The following PIBF1 variants were observed in gnomAD, a reference collection of about 807,000 sequenced individuals.
The protein encoded by PIBF1 is progesterone immunomodulatory binding factor 1.
PIBF1 carries 90 observed loss-of-function variants against 112.5 expected under a neutral mutation model. The observed-to-expected ratio is 0.80, with a 90% CI of 0.67 to 0.95. PIBF1 has a LOEUF of 0.95. Ranked by LOEUF, PIBF1 falls within the 40% of genes least tolerant of loss-of-function variation. The pLI is 0.00. For missense variants in PIBF1, 915 were observed against 852.3 expected, an observed-to-expected ratio of 1.07 and a Z score of -0.92; for synonymous variants, 301 against 288.6, an observed-to-expected ratio of 1.04 and a Z score of -0.44.
chr13:72,881,500 G>A (rs865775891), intron 10 of PIBF1, among the ~76,000 whole-genome samples: 2 of 152,130 alleles, frequency 1.3e-5, no homozygotes, highest in East Asian at 1.9e-4. Flanking sequence ...GGTGGATCAC[G>A]AGGTCAGGAG....
chr13:72,926,613 A>T (rs998203458), intron 13 of PIBF1, among the ~76,000 whole-genome samples: 12 of 152,138 alleles, frequency 7.9e-5, no homozygotes, highest in Non-Finnish European at 1.5e-4. Flanking sequence ...CCAAACATAC[A>T]AGGCTTTTCA....
intron 12 of PIBF1, among the ~76,000 whole-genome samples, chr13:72,912,317 A>G (rs1482146933): frequency 6.6e-6 from 1 of 152,202 alleles, no homozygotes; most frequent in African/African-American, 2.4e-5. Context: ...TTAAAAATTC[A>G]TGTAACTCAG....
chr13:72,998,985 C>A lies in PIBF1; in HGVS notation c.2213C>A (p.Pro738Gln). ...GAAGACAATATATTTACACCTAAAC[C>A]AACACTCTTTGTAAGTACAATTTTT... ...EHEDNIFTPKPTLFTKKEAPE... is the reference protein window; with the variant it reads ...EHEDNIFTPKQTLFTKKEAPE... The change falls in exon 17 of 18, where the codon CCA becomes CAA. Residue 738 changes from proline (P) to glutamine (Q), a missense_variant. Physicochemically the swap from Pro to Gln is moderately conservative, Grantham distance 76. Transcript: ENST00000326291. 6.3e-7 allele frequency: 1 copy of A among 1,581,426 alleles called. No homozygotes were observed. Among genetic ancestry groups the A allele is most frequent in the Non-Finnish European group, 8.6e-7 (1 of 1,159,232 alleles).
intron 8 of PIBF1, among the ~76,000 whole-genome samples, chr13:72,830,391 A>G (rs969453037): frequency 2.6e-5 from 4 of 152,190 alleles, no homozygotes; most frequent in South Asian, 2.1e-4. Flanking sequence ...TTGCCTGTTT[A>G]GTATGATATT....
At chr13:72,996,200 A>G (rs1181015318) in intron 16 of PIBF1, among the ~76,000 whole-genome samples, 2 of 149,744 alleles carry the variant, frequency 1.3e-5, no homozygotes, top group Non-Finnish European at 1.5e-5. Context: ...CTTGAAATGT[A>G]TAAGAAAATG....
chr13:72,826,316 T>C (rs2036812280), intron 6 of PIBF1, among the ~76,000 whole-genome samples: 1 of 152,172 alleles, frequency 6.6e-6, no homozygotes, highest in South Asian at 2.1e-4. Context: ...CTAAACGTTT[T>C]TGAAAAACTG....
intron 6 of PIBF1, 53 bp from the exon 7 acceptor site, chr13:72,826,957 G>A (rs918436234): frequency 1.1e-5 from 11 of 999,304 alleles, no homozygotes; most frequent in Admixed American, 4.6e-5. Flanking sequence ...TAAAGTGTAC[G>A]CTGTACAAGG....
chr13:72,792,371 T>C, intron 2 of PIBF1, 76 bp from the exon 3 acceptor site: 1 of 907,838 alleles, frequency 1.1e-6, no homozygotes, highest in Non-Finnish European at 1.7e-6. Context: ...CAAGTGTTTT[T>C]AAAATATGTT....
chr13:72,795,322 T>C lies in PIBF1; in HGVS notation c.354-37T>C, dbSNP rs754443755. 58 of 1,331,822 alleles carry C rather than the reference T, an allele frequency of 4.4e-5. No homozygotes were observed. The African/African-American group carries it at 7.1e-4, about 16-fold the overall frequency. 82.5% of individuals were successfully genotyped at this position (1,331,822 alleles called of 1,614,324 possible). ...TGTGAGAAAATTAGATCTCAAATAC[T>C]TTTTTAAAGCCTGCCATAAATTCTC... On this transcript the variant is annotated intron_variant, in intron 3 of 17. Coordinates refer to ENST00000326291, the MANE Select transcript of PIBF1 (RefSeq NM_006346.4).
At chr13:72,883,662 A>G (rs1002744942) in intron 10 of PIBF1, among the ~76,000 whole-genome samples, 7 of 152,198 alleles carry the variant, frequency 4.6e-5, no homozygotes, top group African/African-American at 9.6e-5. Flanking sequence ...AATTTTTTCT[A>G]TTCTTAGTAG....
At chr13:72,918,079 C>G (rs938890592) in intron 13 of PIBF1, among the ~76,000 whole-genome samples, 2 of 152,142 alleles carry the variant, frequency 1.3e-5, no homozygotes, top group African/African-American at 4.8e-5. Context: ...TTCCTAACTC[C>G]TCTCTTGCAC....
chr13:72,872,015 G>A (rs1229734538), intron 10 of PIBF1, among the ~76,000 whole-genome samples: 2 of 152,160 alleles, frequency 1.3e-5, no homozygotes, highest in Admixed American at 1.3e-4. Context: ...TAAGAGTACA[G>A]TTTCTGGAGG....
At chr13:73,011,177 C>A (rs1052802860) in intron 17 of PIBF1, among the ~76,000 whole-genome samples, 2 of 151,980 alleles carry the variant, frequency 1.3e-5, no homozygotes, top group Non-Finnish European at 2.9e-5. Context: ...AAACTGCTGC[C>A]CCCAAAATTG....
intron 14 of PIBF1, among the ~76,000 whole-genome samples, chr13:72,964,026 A>G (rs1266172342): frequency 6.6e-6 from 1 of 152,210 alleles, no homozygotes; most frequent in Non-Finnish European, 1.5e-5. Flanking sequence ...GATATACAGT[A>G]TTTGTCCACC....
Position 72,987,837 on chromosome 13 carries a change from AATTT to A in PIBF1, c.2050-10964_2050-10961del, listed in dbSNP as rs1228971710. Among the ~76,000 whole-genome samples the A allele has an allele frequency of 5.6e-3, 566 of 101,714 alleles. 19 individuals are homozygous for A. The highest frequency in any genetic ancestry group is 0.026 in the Middle Eastern group (4 of 156). The allele number at this position is 101,714 out of a possible 152,430, so 66.7% of individuals were successfully genotyped here. A position where few individuals can be genotyped will look rare whatever the true frequency, so the allele number is the denominator to read the frequency against. Reference sequence around the variant, plus strand: ...TTCTTGAGTTTTTTTTATTTTTTGTAATTTATTTATTTATTTATTTATTTTTTTT... The same window carrying A: ...TTCTTGAGTTTTTTTTATTTTTTGTAATTTATTTATTTATTTATTTTTTTT... On this transcript the variant is annotated intron_variant, in intron 16 of 17. Coordinates refer to ENST00000326291, the MANE Select transcript of PIBF1 (RefSeq NM_006346.4).
At chr13:72,966,335 T>C (rs1449875396) in intron 15 of PIBF1, among the ~76,000 whole-genome samples, 1 of 152,220 alleles carries the variant, frequency 6.6e-6, no homozygotes, top group African/African-American at 2.4e-5. Flanking sequence ...TCTAGAACTT[T>C]ATTCCTGTTC....
Position 72,813,388 on chromosome 13 carries a change from T to G in PIBF1, c.673-8461T>G, listed in dbSNP as rs1439752670. ...AAGTCTTGAGCTTTGGGAAAGCTAG[T>G]GTTCCAGTTACGTATTGCTGCATAA... On this transcript the variant is annotated intron_variant, in intron 5 of 17. Coordinates refer to ENST00000326291, the MANE Select transcript of PIBF1 (RefSeq NM_006346.4). 2.0e-5 allele frequency among the ~76,000 whole-genome samples: 3 copies of G among 152,186 alleles called. No homozygotes were observed. In the East Asian group the frequency reaches 5.8e-4, roughly 29 times the overall value.
At chr13:72,877,067 T>C (rs2039438900) in intron 10 of PIBF1, among the ~76,000 whole-genome samples, 6 of 152,180 alleles carry the variant, frequency 3.9e-5, no homozygotes, top group Admixed American at 3.9e-4. Flanking sequence ...ATTCCTAGTT[T>C]ACTAAGAGTT....
chr13:72,868,851 A>G (rs1223079836), intron 10 of PIBF1, among the ~76,000 whole-genome samples: 1 of 143,678 alleles, frequency 7.0e-6, no homozygotes, highest in African/African-American at 2.6e-5. Flanking sequence ...AAAAAAAAAA[A>G]GATGAAACTA....
Sources: gnomAD v4.1 joint callset for allele counts (sites outside exome capture counted in the v4.1 genomes callset) on GRCh38, gnomAD v4.1.1 for gene constraint, MANE v1.5 for transcripts, NCBI Gene and HGNC (gene_info 2026-07-23, HGNC 2026-07-21) for gene names.